DAZAP1: variants seen among roughly 807,000 people sequenced by gnomAD.
DAZAP1 encodes DAZ-associated protein 1.
Under a neutral mutation model 60.1 loss-of-function variants are expected in DAZAP1, and 6 were observed. The ratio of observed to expected loss-of-function variants is 0.10; its 90% CI spans 0.05 to 0.20. The LOEUF is 0.20. Ranked by LOEUF, DAZAP1 falls within the 10% of genes least tolerant of loss-of-function variation. DAZAP1 has a pLI of 1.00. For missense variants in DAZAP1, 366 were observed against 560.4 expected, an observed-to-expected ratio of 0.65 and a Z score of 3.50; for synonymous variants, 235 against 215.9, an observed-to-expected ratio of 1.09 and a Z score of -0.78.
chr19:1,408,638 C>A (rs987679672), intron 1 of DAZAP1, among the ~76,000 whole-genome samples: 1 of 152,212 alleles, frequency 6.6e-6, no homozygotes, highest in African/African-American at 2.4e-5. Context: ...CGGCGCCTCC[C>A]CGCCGGGGGT....
rs780907670 is a variant in DAZAP1 at position 1,432,927 on chromosome 19, A to T, written c.1048+237A>T. 3 of 535,286 alleles carry T rather than the reference A, an allele frequency of 5.6e-6. No homozygotes were observed. The East Asian group carries it at 9.7e-5, about 17-fold the overall frequency. 33.2% of individuals were successfully genotyped at this position (535,286 alleles called of 1,614,324 possible). A position where few individuals can be genotyped will look rare whatever the true frequency, so the allele number is the denominator to read the frequency against. ...GCACTCGTCATACAGCAGGTGCTGCAGGGCCTGCATGTGTGGGAACCTGAG... is the reference window on the plus strand; with the variant it reads ...GCACTCGTCATACAGCAGGTGCTGCTGGGCCTGCATGTGTGGGAACCTGAG... On this transcript the variant is annotated intron_variant, in intron 11 of 11. Coordinates refer to ENST00000233078, the MANE Select transcript of DAZAP1 (RefSeq NM_018959.4). This position sits in a 1 kb window ranked among gnomAD's most constrained non-coding sequence, Gnocchi z 4.9.
At position 1,418,139 on chromosome 19, in the gene DAZAP1, C is replaced by T; in HGVS notation, c.71-65C>T. On this transcript the variant is annotated intron_variant, in intron 2 of 11. Transcript: ENST00000233078. The surrounding 1 kb of genome is among the most constrained non-coding windows in gnomAD (Gnocchi z 5.7). ...TGGAGGAGTGTGCGTGCCGGCAGCACTGCCAGGCACGTGCCTAATGCTCTG... is the reference window on the plus strand; with the variant it reads ...TGGAGGAGTGTGCGTGCCGGCAGCATTGCCAGGCACGTGCCTAATGCTCTG... 1 of 1,551,492 alleles carries T rather than the reference C, an allele frequency of 6.4e-7. No homozygotes were observed. Among genetic ancestry groups the T allele is most frequent in the Non-Finnish European group, 8.9e-7 (1 of 1,128,028 alleles).
intron 1 of DAZAP1, among the ~76,000 whole-genome samples, chr19:1,413,746 A>G (rs1287356083): frequency 3.9e-5 from 6 of 152,218 alleles, no homozygotes; most frequent in African/African-American, 1.2e-4. Flanking sequence ...AGACACAGCT[A>G]TGTGAAACGA....
rs2083301367 is a variant in DAZAP1 at position 1,426,214 on chromosome 19, G to C, written c.546+254G>C. The stretch of plus-strand genomic sequence containing the variant: ...CCTCTGGGTGACCTGGGACTGGGCG[G>C]GTAGGGGGCTGGGGCTGGGAGGCTG... On this transcript the variant is annotated intron_variant, in intron 7 of 11. Coordinates refer to ENST00000233078, the MANE Select transcript of DAZAP1 (RefSeq NM_018959.4). This position sits in a 1 kb window ranked among gnomAD's most constrained non-coding sequence, Gnocchi z 5.4. 1 of 467,036 alleles carries C rather than the reference G, an allele frequency of 2.1e-6. No homozygotes were observed. Among genetic ancestry groups the C allele is most frequent in the Non-Finnish European group, 3.9e-6 (1 of 253,428 alleles). The allele number at this position is 467,036 out of a possible 1,614,324, so 28.9% of individuals were successfully genotyped here.
intron 8 of DAZAP1, among the ~76,000 whole-genome samples, chr19:1,429,680 G>A (rs968519402): frequency 6.6e-6 from 1 of 152,198 alleles, no homozygotes; most frequent in East Asian, 1.9e-4. Context: ...GGTTTCTCTG[G>A]GGTCCTCAGG....
chr19:1,418,628 C>T lies in DAZAP1; in HGVS notation c.238-38C>T, dbSNP rs534821728. 5 of 1,612,652 alleles carry T rather than the reference C, an allele frequency of 3.1e-6. No individual in the cohort carries two copies. Among genetic ancestry groups the T allele is most frequent in the African/African-American group, 1.3e-5 (1 of 74,806 alleles). ...ACACCCTCTTTCCTAGAGAAACAGC[C>T]TCTTATTCACAACCAGCTGATTTGA... On this transcript the variant is annotated intron_variant, in intron 3 of 11. Coordinates refer to ENST00000233078, the MANE Select transcript of DAZAP1 (RefSeq NM_018959.4). This position sits in a 1 kb window ranked among gnomAD's most constrained non-coding sequence, Gnocchi z 5.7.
chr19:1,421,289 G>A (rs979798528), intron 5 of DAZAP1, 31 bp downstream of exon 5: 1 of 1,596,604 alleles, frequency 6.3e-7, no homozygotes, highest in Non-Finnish European at 8.6e-7. Context: ...GCAGCACTGT[G>A]GGGACAGAGC....
chr19:1,412,123 CA>C (rs1235258001), intron 1 of DAZAP1, among the ~76,000 whole-genome samples: 1 of 152,164 alleles, frequency 6.6e-6, no homozygotes, highest in Non-Finnish European at 1.5e-5. Flanking sequence ...TGTGGGCATT[CA>C]GGGGCTCCTT....
At position 1,430,336 on chromosome 19, in the gene DAZAP1, A is replaced by G; in HGVS notation, c.845A>G (p.Gln282Arg). The change falls in exon 10 of 12, where the codon CAG becomes CGG. Residue 282 changes from glutamine (Q) to arginine (R), a missense_variant. Physicochemically the swap from Gln to Arg is conservative, Grantham distance 43. Coordinates refer to ENST00000233078, the MANE Select transcript of DAZAP1 (RefSeq NM_018959.4). ...GGFPPPQGFP[Q>R]GYGAPPQFSF... ...TTTCCCCCTCCCCAGGGCTTCCCTC[A>G]GGGCTACGGTGCCCCGCCACAGTTC... The G allele has an allele frequency of 6.5e-7, 1 of 1,530,890 alleles. No individual in the cohort carries two copies. The highest frequency in any genetic ancestry group is 8.7e-7 in the Non-Finnish European group (1 of 1,144,164). 94.8% of individuals were successfully genotyped at this position (1,530,890 alleles called of 1,614,324 possible).
In DAZAP1 at chr19:1,428,409, C is replaced by T. The variant is rs141610064; in HGVS notation, c.547-433C>T. The T allele has an allele frequency of 1.1e-3, 171 of 156,994 alleles. No individual in the cohort carries two copies. The highest frequency in any genetic ancestry group is 3.9e-3 in the African/African-American group (164 of 41,676). 9.7% of individuals were successfully genotyped at this position (156,994 alleles called of 1,614,324 possible). A position where few individuals can be genotyped will look rare whatever the true frequency, so the allele number is the denominator to read the frequency against. On this transcript the variant is annotated intron_variant, in intron 7 of 11. Transcript: ENST00000233078. The surrounding 1 kb of genome is among the most constrained non-coding windows in gnomAD (Gnocchi z 4.0). Reference sequence around the variant, plus strand: ...GTTTCTCAGGTATGAGTTAAAAGCACAGGTGGGCGGGCTCCAAGCAGTCCA... The same window carrying T: ...GTTTCTCAGGTATGAGTTAAAAGCATAGGTGGGCGGGCTCCAAGCAGTCCA...
rs374381556 is a variant in DAZAP1, at chr19:1,433,199, CA to C, written c.1048+510del. 1.9e-4 allele frequency: 35 copies of C among 183,006 alleles called. No homozygotes were observed. In the East Asian group the frequency reaches 3.7e-3, roughly 19 times the overall value. 11.3% of individuals were successfully genotyped at this position (183,006 alleles called of 1,614,324 possible). ...CTTGGGTCTGCCTGGACGTGATCTG[CA>C]GGCAGCGCATGTGCTTCCGGGGCAG... On this transcript the variant is annotated intron_variant, in intron 11 of 11. Coordinates refer to ENST00000233078, the MANE Select transcript of DAZAP1 (RefSeq NM_018959.4). The surrounding 1 kb of genome is among the most constrained non-coding windows in gnomAD (Gnocchi z 6.1).
chr19:1,410,975 A>T (rs940259456), intron 1 of DAZAP1, among the ~76,000 whole-genome samples: 1 of 152,220 alleles, frequency 6.6e-6, no homozygotes, highest in Non-Finnish European at 1.5e-5. Flanking sequence ...AGCCAGGCCC[A>T]TGGCAGGTCT....
intron 1 of DAZAP1, chr19:1,416,000 A>C (rs2082973355): frequency 2.6e-5 from 4 of 152,148 alleles, no homozygotes. Flanking sequence ...TAGGGAAAAA[A>C]GAAGGAACAG....
At position 1,422,421 on chromosome 19, in the gene DAZAP1, C is replaced by G. The variant is rs374610696; in HGVS notation, c.463+25C>G. On this transcript the variant is annotated intron_variant, in intron 6 of 11. Coordinates refer to ENST00000233078, the MANE Select transcript of DAZAP1 (RefSeq NM_018959.4). The surrounding 1 kb of genome is among the most constrained non-coding windows in gnomAD (Gnocchi z 4.5). ...GGTAAGGGCAGATCTAGTTTGACCT[C>G]GGCCTTCTCCCTGCTCCTCCCTCAG... is the stretch of plus-strand genomic sequence containing the variant. The G allele has an allele frequency of 6.8e-6, 11 of 1,610,920 alleles. No homozygotes were observed. Among genetic ancestry groups the G allele is most frequent in the Non-Finnish European group, 9.3e-6 (11 of 1,177,596 alleles).
At position 1,426,340 on chromosome 19, in the gene DAZAP1, C is replaced by G; in HGVS notation, c.546+380C>G. On this transcript the variant is annotated intron_variant, in intron 7 of 11. Coordinates refer to ENST00000233078, the MANE Select transcript of DAZAP1 (RefSeq NM_018959.4). This position sits in a 1 kb window ranked among gnomAD's most constrained non-coding sequence, Gnocchi z 5.4. ...GTCTGCAAATCCCCATTGTCTGACA[C>G]TGACCTGTAATGTGATCAGCAAGGG... The G allele has an allele frequency of 3.6e-6, 1 of 280,652 alleles. No individual in the cohort carries two copies. Among genetic ancestry groups the G allele is most frequent in the Non-Finnish European group, 7.0e-6 (1 of 142,440 alleles). The allele number at this position is 280,652 out of a possible 1,614,324, so 17.4% of individuals were successfully genotyped here.
Position 1,434,673 on chromosome 19 carries a change from C to G in DAZAP1, c.1049-64C>G, listed in dbSNP as rs886679990. 4 of 1,576,202 alleles carry G rather than the reference C, an allele frequency of 2.5e-6. No homozygotes were observed. In the African/African-American group the frequency reaches 5.5e-5, roughly 21 times the overall value. On this transcript the variant is annotated intron_variant, in intron 11 of 11. Coordinates refer to ENST00000233078, the MANE Select transcript of DAZAP1 (RefSeq NM_018959.4). This position sits in a 1 kb window ranked among gnomAD's most constrained non-coding sequence, Gnocchi z 8.0. ...CTCGGCGGAGCTGTGTCCAGGTGGC[C>G]TCGCTCGACGGCAGTGCCAACCGCC...
rs1372209912 is a variant in DAZAP1 at position 1,418,255 on chromosome 19, T to C, written c.122T>C (p.Ile41Thr). 6.2e-7 allele frequency: 1 copy of C among 1,614,106 alleles called. No individual in the cohort carries two copies. Among genetic ancestry groups the C allele is most frequent in the Non-Finnish European group, 8.5e-7 (1 of 1,180,056 alleles). Residue 41 changes from isoleucine (I) to threonine (T), a missense_variant, in exon 3 of 12, where the codon ATC (isoleucine) becomes ACC (threonine). Ile to Thr is a moderately conservative substitution (Grantham distance 89). This residue lies in a region of DAZAP1 where 98 missense variants were observed against 155.3 expected (regional missense o/e 0.63). Coordinates refer to ENST00000233078, the MANE Select transcript of DAZAP1 (RefSeq NM_018959.4). This position sits in a 1 kb window ranked among gnomAD's most constrained non-coding sequence, Gnocchi z 5.7. ...SQYGEVVDCV[I>T]MKDKTTNQSR... The stretch of plus-strand genomic sequence containing the variant: ...TATGGAGAAGTCGTAGATTGTGTTA[T>C]CATGAAAGATAAAACCACCAACCAG...
rs61360796 is a variant in DAZAP1, at chr19:1,415,353, A to ATGTGTGTGTGTG, written c.30-2121_30-2110dup. On this transcript the variant is annotated intron_variant, in intron 1 of 11. Transcript: ENST00000233078. Reference sequence around the variant, plus strand: ...GATTTGGTTTGGTTTTCAGGGTTTTATGTGTGTGTGTGTGTGTGTGTGTGT... The same window carrying ATGTGTGTGTGTG: ...GATTTGGTTTGGTTTTCAGGGTTTTATGTGTGTGTGTGTGTGTGTGTGTGTGTGTGTGTGTGT... Among the ~76,000 whole-genome samples the ATGTGTGTGTGTG allele has an allele frequency of 6.0e-3, 659 of 109,388 alleles. 6 individuals are homozygous for ATGTGTGTGTGTG. The highest frequency in any genetic ancestry group is 0.017 in the African/African-American group (453 of 26,298). 71.8% of individuals were successfully genotyped at this position (109,388 alleles called of 152,430 possible).
Position 1,433,587 on chromosome 19 carries a change from T to A in DAZAP1, c.1048+897T>A. ...CAGGCCTTGGGCCGAGGTTGCCGCA[T>A]GTGTGGGTTCTTGACCCACTCACCA... is the stretch of plus-strand genomic sequence containing the variant. On this transcript the variant is annotated intron_variant, in intron 11 of 11. Coordinates refer to ENST00000233078, the MANE Select transcript of DAZAP1 (RefSeq NM_018959.4). This position sits in a 1 kb window ranked among gnomAD's most constrained non-coding sequence, Gnocchi z 6.1. The A allele has an allele frequency of 3.3e-6, 2 of 607,250 alleles. No homozygotes were observed. The highest frequency in any genetic ancestry group is 5.8e-6 in the Non-Finnish European group (2 of 342,872). The allele number at this position is 607,250 out of a possible 1,614,324, so 37.6% of individuals were successfully genotyped here. A position where few individuals can be genotyped will look rare whatever the true frequency, so the allele number is the denominator to read the frequency against.
Sources: allele counts gnomAD v4.1 joint callset (sites outside exome capture counted in the v4.1 genomes callset), GRCh38; gene constraint gnomAD v4.1.1; regional missense constraint gnomAD v4.1.1; non-coding constraint Gnocchi (gnomAD v3.1); transcripts MANE v1.5; gene names NCBI Gene and HGNC (gene_info 2026-07-23, HGNC 2026-07-21).